The following HS6ST1 variants were observed in gnomAD, a reference collection of about 807,000 sequenced individuals.
The protein encoded by HS6ST1 is heparan-sulfate 6-O-sulfotransferase 1.
HS6ST1 carries 3 observed loss-of-function variants against 25.2 expected under a neutral mutation model. That is an observed-to-expected ratio of 0.12 (90% CI 0.05 to 0.31). The LOEUF (loss-of-function observed/expected upper bound fraction) is 0.31. Ranked by LOEUF, HS6ST1 falls within the 10% of genes least tolerant of loss-of-function variation. HS6ST1 has a pLI of 1.00. For synonymous variants in HS6ST1, 204 were observed against 275.1 expected (o/e 0.74, Z 2.56); for missense variants, 310 against 609.6 (o/e 0.51, Z 5.18).
intron 1 of HS6ST1, among the ~76,000 whole-genome samples, chr2:128,305,732 C>T (rs1694199239): frequency 6.6e-6 from 1 of 152,238 alleles, no homozygotes; most frequent in Admixed American, 6.5e-5. Context: ...CCTTGATCCT[C>T]TCAGGGGAGC....
intron 1 of HS6ST1, among the ~76,000 whole-genome samples, chr2:128,285,189 C>G (rs898255256): frequency 1.2e-4 from 19 of 152,364 alleles, no homozygotes; most frequent in African/African-American, 4.6e-4. Context: ...ATGAGTGTTC[C>G]ACGCTCTCTG....
At chr2:128,270,124 G>A (rs1365027215) in intron 1 of HS6ST1, among the ~76,000 whole-genome samples, 7 of 152,338 alleles carry the variant, frequency 4.6e-5, no homozygotes, top group Admixed American at 4.6e-4. Context: ...GGCTCCAGGG[G>A]CAGGCAGCAA....
At chr2:128,299,026 T>TGAGAGGACCAGAGGCC (rs1258230696) in intron 1 of HS6ST1, among the ~76,000 whole-genome samples, 7 of 152,080 alleles carry the variant, frequency 4.6e-5, no homozygotes, top group Non-Finnish European at 7.4e-5. Flanking sequence ...GCTCTCGGAA[T>TGAGAGGACCAGAGGCC]GAGAGGACCA....
At position 128,268,156 on chromosome 2, in the gene HS6ST1, C is replaced by A. The variant is rs765246031; in HGVS notation, c.*6G>T. Reference sequence around the variant, plus strand: ...CCAAGAGGCCTCCCCGTGGCCACCACCGCCACTACCACTTCTCAATGATGT... The same window carrying A: ...CCAAGAGGCCTCCCCGTGGCCACCAACGCCACTACCACTTCTCAATGATGT... On this transcript the variant is annotated 3_prime_UTR_variant, in exon 2 of 2. Transcript: ENST00000259241. 2 of 1,597,048 alleles carry A rather than the reference C, an allele frequency of 1.3e-6. No homozygotes were observed. The highest frequency in any genetic ancestry group is 1.7e-6 in the Non-Finnish European group (2 of 1,171,266).
At chr2:128,277,462 T>C (rs1693713481) in intron 1 of HS6ST1, among the ~76,000 whole-genome samples, 1 of 152,234 alleles carries the variant, frequency 6.6e-6, no homozygotes, top group South Asian at 2.1e-4. Context: ...GGCTGCTCAC[T>C]ACCACCATCC....
chr2:128,312,672 G>A (rs1218331669), intron 1 of HS6ST1, among the ~76,000 whole-genome samples: 2 of 152,260 alleles, frequency 1.3e-5, no homozygotes, highest in African/African-American at 4.8e-5. Flanking sequence ...CTACATAGAT[G>A]GGCCACCCCA....
rs1694261138 is a variant in HS6ST1, at chr2:128,309,753, G to C, written c.527+8284C>G. On this transcript the variant is annotated intron_variant, in intron 1 of 1. Coordinates refer to ENST00000259241, the MANE Select transcript of HS6ST1 (RefSeq NM_004807.3). ...TTCAAAGGCAGGCCAGGTGCAGGCTGTCGGGAGCTGCCTCTCACTGAAGCC... is the reference window on the plus strand; with the variant it reads ...TTCAAAGGCAGGCCAGGTGCAGGCTCTCGGGAGCTGCCTCTCACTGAAGCC... Among the ~76,000 whole-genome samples, 3 of 152,364 alleles carry C rather than the reference G, an allele frequency of 2.0e-5. No homozygotes were observed. The South Asian group carries it at 6.2e-4, about 32-fold the overall frequency.
At chr2:128,282,968 G>A (rs533028032) in intron 1 of HS6ST1, among the ~76,000 whole-genome samples, 22 of 152,298 alleles carry the variant, frequency 1.4e-4, no homozygotes, top group African/African-American at 5.1e-4. Context: ...AGGGGCTCAC[G>A]GATTCCATCC....
chr2:128,309,029 C>T (rs1241487464), intron 1 of HS6ST1, among the ~76,000 whole-genome samples: 8 of 152,324 alleles, frequency 5.3e-5, no homozygotes, highest in African/African-American at 1.9e-4. Context: ...AGATGGGGAA[C>T]CTGAGCTGCA....
chr2:128,295,921 T>C (rs1467322776), intron 1 of HS6ST1, among the ~76,000 whole-genome samples: 2 of 152,240 alleles, frequency 1.3e-5, no homozygotes, highest in Non-Finnish European at 2.9e-5. Context: ...CCAAAACTCA[T>C]GTTGAAGTCC....
chr2:128,292,695 G>A (rs1414471803), intron 1 of HS6ST1, among the ~76,000 whole-genome samples: 3 of 151,928 alleles, frequency 2.0e-5, no homozygotes, highest in Non-Finnish European at 4.4e-5. Context: ...CAGATTCAGG[G>A]CATTCAGTGT....
intron 1 of HS6ST1, among the ~76,000 whole-genome samples, chr2:128,312,154 C>T (rs72971107): frequency 1.2e-3 from 181 of 152,322 alleles, no homozygotes; most frequent in African/African-American, 4.0e-3. Context: ...TCTGGGCCAG[C>T]GGCAATCGCC....
chr2:128,290,849 A>T (rs1236216644), intron 1 of HS6ST1, among the ~76,000 whole-genome samples: 2 of 136,524 alleles, frequency 1.5e-5, no homozygotes, highest in East Asian at 2.4e-4. Flanking sequence ...AAAAAAATTT[A>T]GCATGCATGA....
intron 1 of HS6ST1, among the ~76,000 whole-genome samples, chr2:128,290,899 T>A (rs1412130357): frequency 6.6e-6 from 1 of 150,582 alleles, no homozygotes; most frequent in Non-Finnish European, 1.5e-5. Context: ...TAAGAATCAC[T>A]TGAACCCAGG....
chr2:128,295,310 T>C (rs565322582), intron 1 of HS6ST1, among the ~76,000 whole-genome samples: 32 of 152,194 alleles, frequency 2.1e-4, no homozygotes, highest in Non-Finnish European at 3.5e-4. Flanking sequence ...CCTCTCCGTT[T>C]ATAGTTGAGG....
chr2:128,307,486 T>A (rs933418325), intron 1 of HS6ST1, among the ~76,000 whole-genome samples: 1 of 152,038 alleles, frequency 6.6e-6, no homozygotes, highest in Non-Finnish European at 1.5e-5. Flanking sequence ...AGTCCACACA[T>A]GGAGAAATGA....
chr2:128,270,088 C>G (rs1298946587), intron 1 of HS6ST1, among the ~76,000 whole-genome samples: 1 of 152,204 alleles, frequency 6.6e-6, no homozygotes, highest in Non-Finnish European at 1.5e-5. Flanking sequence ...GGTGGCAGCT[C>G]TGAAGCAGGC....
chr2:128,287,887 T>C (rs1693889288), intron 1 of HS6ST1, among the ~76,000 whole-genome samples: 1 of 152,246 alleles, frequency 6.6e-6, no homozygotes, highest in South Asian at 2.1e-4. Flanking sequence ...CCTGCGGGGC[T>C]GCTCGCCGGT....
At chr2:128,291,759 G>A (rs1372025115) in intron 1 of HS6ST1, among the ~76,000 whole-genome samples, 3 of 152,238 alleles carry the variant, frequency 2.0e-5, no homozygotes, top group African/African-American at 7.2e-5. Context: ...TCCACGGGGA[G>A]GCCCTGGACA....
Sources: gnomAD v4.1 joint callset for allele counts (sites outside exome capture counted in the v4.1 genomes callset) on GRCh38, gnomAD v4.1.1 for gene constraint, MANE v1.5 for transcripts, NCBI Gene and HGNC (gene_info 2026-07-23, HGNC 2026-07-21) for gene names.